The following SOS2 variants were observed in gnomAD, a reference collection of about 807,000 sequenced individuals.
SOS2 encodes SOS Ras/Rho guanine nucleotide exchange factor 2.
In SOS2, 65 loss-of-function variants were observed where a neutral mutation model predicts 148.2. The ratio of observed to expected loss-of-function variants is 0.44; its 90% CI spans 0.36 to 0.54. SOS2 has a LOEUF of 0.54. SOS2 is among the 20% of genes least tolerant of loss of function. The pLI, the probability that SOS2 is intolerant of heterozygous loss-of-function variation, is 0.00. For missense variants in SOS2, 1,341 were observed against 1,590.2 expected (o/e 0.84, Z 2.67); for synonymous variants, 539 against 537.1 (o/e 1.00, Z -0.05).
chr14:50,230,609 T>G (rs1228584102), intron 1 of SOS2, among the ~76,000 whole-genome samples: 1 of 152,252 alleles, frequency 6.6e-6, no homozygotes, highest in Non-Finnish European at 1.5e-5. Context: ...CCAAATTTTC[T>G]AAGGGTAATC....
chr14:50,144,489 G>A (rs1236384215), intron 16 of SOS2, among the ~76,000 whole-genome samples: 3 of 152,002 alleles, frequency 2.0e-5, no homozygotes, highest in African/African-American at 7.2e-5. Context: ...CCAGCCTGGA[G>A]TGCAGTGGTG....
chr14:50,173,356 C>G (rs1452453542), intron 8 of SOS2, among the ~76,000 whole-genome samples: 3 of 152,066 alleles, frequency 2.0e-5, no homozygotes, highest in African/African-American at 4.8e-5. Context: ...GAATACTTAT[C>G]TCTTTTTTAA....
rs1193947564 is a variant in SOS2 at position 50,192,513 on chromosome 14, G to A, written c.511-3813C>T. 3.3e-5 allele frequency among the ~76,000 whole-genome samples: 5 copies of A among 152,002 alleles called. 1 individual carries two copies. Among genetic ancestry groups the A allele is most frequent in the Non-Finnish European group, 7.4e-5 (5 of 68,004 alleles). On this transcript the variant is annotated intron_variant, in intron 4 of 22. Coordinates refer to ENST00000216373, the MANE Select transcript of SOS2 (RefSeq NM_006939.4). The stretch of plus-strand genomic sequence containing the variant: ...AGAGGTTGCACTGGGCAGAGATTGC[G>A]CCACTACACTCCAGCCTGGGCGAAA...
rs17122200 is a variant in SOS2 at position 50,158,470 on chromosome 14, A to G, written c.1934+95T>C. 452 of 688,232 alleles carry G rather than the reference A, an allele frequency of 6.6e-4. 9 individuals are homozygous for G. In the East Asian group the frequency reaches 8.8e-3, roughly 13 times the overall value. 42.6% of individuals were successfully genotyped at this position (688,232 alleles called of 1,614,324 possible). A position where few individuals can be genotyped will look rare whatever the true frequency, so the allele number is the denominator to read the frequency against. On this transcript the variant is annotated intron_variant, in intron 11 of 22. Transcript: ENST00000216373. ...AATGCCAAATAAAATATGTTCAATA[A>G]TTAACTTGAGTATTTATTAGGTACT...
At chr14:50,150,817 G>C (rs778710529) in intron 13 of SOS2, among the ~76,000 whole-genome samples, 1 of 151,914 alleles carries the variant, frequency 6.6e-6, no homozygotes, top group Non-Finnish European at 1.5e-5. Context: ...CCACCTCCCG[G>C]GTTCAAGCGA....
At chr14:50,184,770 G>A (rs1164100458) in intron 5 of SOS2, among the ~76,000 whole-genome samples, 1 of 151,060 alleles carries the variant, frequency 6.6e-6, no homozygotes, top group Non-Finnish European at 1.5e-5. Context: ...GGCTGAAGCT[G>A]GAGGATCTGC....
Position 50,211,009 on chromosome 14 carries a change from ATGAC to A in SOS2, c.88-6604_88-6601del, listed in dbSNP as rs1433786133. ...CTAAAGTTCAAGATATGTATAGTCT[ATGAC>A]TGAGCAATTCCACTATAGGATATAT... is the stretch of plus-strand genomic sequence containing the variant. On this transcript the variant is annotated intron_variant, in intron 1 of 22. Transcript: ENST00000216373. 4.0e-5 allele frequency among the ~76,000 whole-genome samples: 6 copies of A among 148,252 alleles called. No homozygotes were observed. The East Asian group carries it at 5.9e-4, about 15-fold the overall frequency.
chr14:50,130,051 ATTATTTTTT>A (rs2139510460), intron 20 of SOS2, 49 bp from the exon 21 acceptor site: 1 of 1,160,530 alleles, frequency 8.6e-7, no homozygotes, highest in African/African-American at 1.5e-5. Context: ...ACATGTAGGT[ATTATTTTTT>A]AAATGTTTCC....
chr14:50,206,015 T>A (rs1035870694), intron 1 of SOS2, among the ~76,000 whole-genome samples: 14 of 152,202 alleles, frequency 9.2e-5, no homozygotes, highest in Admixed American at 8.5e-4. Flanking sequence ...TATTAGTTAT[T>A]TGTGTATTCG....
chr14:50,141,366 A>T (rs4900990), intron 16 of SOS2, among the ~76,000 whole-genome samples: 141,574 of 151,758 alleles, frequency 0.93, 66,153 homozygotes, highest in East Asian at 1. Context: ...CATAAAATTT[A>T]AAAAATTAGC....
At chr14:50,172,310 A>G (rs1023779324) in intron 8 of SOS2, among the ~76,000 whole-genome samples, 1 of 144,870 alleles carries the variant, frequency 6.9e-6, no homozygotes, top group Non-Finnish European at 1.5e-5. Context: ...CCACATTTCT[A>G]TTTGTTCTTG....
intron 16 of SOS2, 90 bp from the exon 17 acceptor site, chr14:50,140,149 AT>A: frequency 3.1e-6 from 2 of 651,424 alleles, no homozygotes; most frequent in South Asian, 4.7e-5. Flanking sequence ...AATTTTGCAA[AT>A]TATCTGGAAA....
chr14:50,120,250 G>T, intron 22 of SOS2, 25 bp downstream of exon 22: 1 of 1,018,438 alleles, frequency 9.8e-7, no homozygotes, highest in Non-Finnish European at 1.5e-6. Context: ...CTTTGAATAA[G>T]TTGGAGTAAA....
At chr14:50,161,682 A>T (rs1885013105) in intron 8 of SOS2, 73 bp from the exon 9 acceptor site, 1 of 1,386,986 alleles carries the variant, frequency 7.2e-7, no homozygotes, top group Admixed American at 2.0e-5. Flanking sequence ...TAATAGAAAA[A>T]GCAGCAACAA....
chr14:50,168,696 G>T (rs1472894709), intron 8 of SOS2, among the ~76,000 whole-genome samples: 1 of 151,886 alleles, frequency 6.6e-6, no homozygotes, highest in Non-Finnish European at 1.5e-5. Context: ...TACTGTTTTG[G>T]CTCAGTACTC....
intron 16 of SOS2, among the ~76,000 whole-genome samples, chr14:50,142,686 A>G (rs910164215): frequency 2.0e-5 from 3 of 152,224 alleles, no homozygotes; most frequent in Admixed American, 6.5e-5. Flanking sequence ...CAATAGAGGT[A>G]TAAGAGGATG....
rs192923436 is a variant in SOS2 at position 50,144,364 on chromosome 14, T to C, written c.2667+806A>G. Among the ~76,000 whole-genome samples, 16 of 152,148 alleles carry C rather than the reference T, an allele frequency of 1.1e-4. No individual in the cohort carries two copies. The East Asian group carries it at 3.1e-3, about 29-fold the overall frequency. The stretch of plus-strand genomic sequence containing the variant: ...GTTATTAAAATATATATGCAAAATA[T>C]CTTCCTATTTTCTATATCTCCTGAA... On this transcript the variant is annotated intron_variant, in intron 16 of 22. Coordinates refer to ENST00000216373, the MANE Select transcript of SOS2 (RefSeq NM_006939.4).
chr14:50,210,336 C>T (rs1162080352), intron 1 of SOS2, among the ~76,000 whole-genome samples: 3 of 152,052 alleles, frequency 2.0e-5, no homozygotes, highest in Admixed American at 6.6e-5. Flanking sequence ...TAGTGTTGAA[C>T]CACTGCAGAA....
chr14:50,220,405 C>CGAAAAAAAAAAAAAAAA (rs779813155), intron 1 of SOS2, among the ~76,000 whole-genome samples: 2 of 30,446 alleles, frequency 6.6e-5, no homozygotes, highest in African/African-American at 2.9e-4. Context: ...GACTCCATCT[C>CGAAAAAAAAAAAAAAAA]AAAAAAAAAA....
Sources: gnomAD v4.1 joint callset for allele counts (sites outside exome capture counted in the v4.1 genomes callset) on GRCh38, gnomAD v4.1.1 for gene constraint, MANE v1.5 for transcripts, NCBI Gene and HGNC (gene_info 2026-07-23, HGNC 2026-07-21) for gene names.